BPTF: variants seen among roughly 807,000 people sequenced by gnomAD.
BPTF encodes the protein nucleosome-remodeling factor subunit BPTF.
In BPTF, 18 loss-of-function variants were observed where a neutral mutation model predicts 292.5. The ratio of observed to expected loss-of-function variants is 0.06; its 90% CI spans 0.04 to 0.09. The LOEUF (loss-of-function observed/expected upper bound fraction) is 0.09. Ranked by LOEUF, BPTF falls within the 10% of genes least tolerant of loss-of-function variation. The probability of loss-of-function intolerance (pLI) is 1.00; values close to 1 mark genes in which losing one functional copy is unlikely to be tolerated. For missense variants in BPTF, 2,726 were observed against 3,498.7 expected (o/e 0.78, Z 5.57); for synonymous variants, 1,225 against 1,251.9 (o/e 0.98, Z 0.45).
chr17:67,979,485 A>T (rs2070046539), intron 27 of BPTF, among the ~76,000 whole-genome samples: 1 of 152,112 alleles, frequency 6.6e-6, no homozygotes, highest in African/African-American at 2.4e-5. Context: ...CGGAGGTTGC[A>T]GTGCACCAAG....
intron 1 of BPTF, among the ~76,000 whole-genome samples, chr17:67,830,812 C>A (rs766224076): frequency 4.6e-5 from 7 of 152,188 alleles, no homozygotes; most frequent in Non-Finnish European, 8.8e-5. Flanking sequence ...TACTTTCCCC[C>A]TTTTCTGTAG....
chr17:67,884,734 GT>G (rs1406615755), intron 4 of BPTF, among the ~76,000 whole-genome samples: 1 of 151,852 alleles, frequency 6.6e-6, no homozygotes, highest in Non-Finnish European at 1.5e-5. Context: ...CATTTTCTTT[GT>G]TTCTGGGTCT....
intron 18 of BPTF, among the ~76,000 whole-genome samples, chr17:67,933,600 G>C (rs989340289): frequency 1.3e-5 from 2 of 152,016 alleles, no homozygotes; most frequent in East Asian, 1.9e-4. Context: ...AAAGATTGCA[G>C]TTAAGGTATA....
At chr17:67,951,541 G>A (rs1270084610) in intron 23 of BPTF, 1 of 152,126 alleles carries the variant, frequency 6.6e-6, no homozygotes, top group Non-Finnish European at 1.5e-5. Flanking sequence ...ATTCTACACA[G>A]AGTGGGAAAA....
At chr17:67,868,819 C>T (rs1017018316) in intron 3 of BPTF, among the ~76,000 whole-genome samples, 1 of 152,088 alleles carries the variant, frequency 6.6e-6, no homozygotes, top group Non-Finnish European at 1.5e-5. Context: ...TGAATTCATG[C>T]GTATTTTTGG....
chr17:67,963,052 T>G (rs1490301535), intron 24 of BPTF, among the ~76,000 whole-genome samples: 3 of 152,160 alleles, frequency 2.0e-5, no homozygotes, highest in African/African-American at 7.2e-5. Flanking sequence ...CATCAATGTG[T>G]TGTTTCTTTT....
intron 26 of BPTF, chr17:67,975,544 A>AC: frequency 2.3e-6 from 1 of 441,038 alleles, no homozygotes; most frequent in South Asian, 3.6e-5. Context: ...CTGAAAGTAA[A>AC]AGAACCTTAA....
chr17:67,941,463 A>G (rs1201783792), intron 19 of BPTF, among the ~76,000 whole-genome samples: 2 of 152,318 alleles, frequency 1.3e-5, no homozygotes, highest in Admixed American at 1.3e-4. Flanking sequence ...AAAAAAACCA[A>G]AAAACTTAGT....
intron 7 of BPTF, among the ~76,000 whole-genome samples, chr17:67,898,569 C>T (rs1324004572): frequency 8.6e-5 from 13 of 151,956 alleles, no homozygotes; most frequent in Non-Finnish European, 1.5e-4. Context: ...CTTGACCTCC[C>T]AAAGTGCTGG....
chr17:67,981,168 C>T (rs2070307647), intron 27 of BPTF, among the ~76,000 whole-genome samples: 1 of 152,036 alleles, frequency 6.6e-6, no homozygotes, highest in Non-Finnish European at 1.5e-5. Context: ...CAAAACAAAA[C>T]AAAACAAAAC....
At chr17:67,829,433 C>T (rs1423324174) in intron 1 of BPTF, among the ~76,000 whole-genome samples, 1 of 151,874 alleles carries the variant, frequency 6.6e-6, no homozygotes, top group African/African-American at 2.4e-5. Context: ...TGGCTTGCTG[C>T]ACTTACCGAC....
chr17:67,959,631 G>C lies in BPTF; in HGVS notation c.8017G>C (p.Val2673Leu). 6.3e-7 allele frequency: 1 copy of C among 1,598,766 alleles called. No individual in the cohort carries two copies. The highest frequency in any genetic ancestry group is 8.5e-7 in the Non-Finnish European group (1 of 1,174,552). The change falls in exon 24 of 28, where the codon GTG (valine) becomes CTG (leucine). Residue 2673 changes from valine (V) to leucine (L), a missense_variant. Coordinates refer to ENST00000306378, the MANE Select transcript of BPTF (RefSeq NM_182641.4). Reference sequence around the variant, plus strand: ...AGCAGTAGCTGCACCCTGCCCCCCAGTGACACCAGCTCCTCCAGCCCCTCC... The same window carrying C: ...AGCAGTAGCTGCACCCTGCCCCCCACTGACACCAGCTCCTCCAGCCCCTCC... ...ATAVAAPCPP[V>L]TPAPPAPPAP...
In BPTF at chr17:67,968,597, T is replaced by C. The variant is rs576699049; in HGVS notation, c.8539+1941T>C. On this transcript the variant is annotated intron_variant, in intron 26 of 27. Transcript: ENST00000306378. ...ATCGAGACCATCCTGGCTAACACGG[T>C]GAAACCCCGTGTTAGCCCGTCTCTA... Among the ~76,000 whole-genome samples the C allele has an allele frequency of 8.0e-5, 12 of 150,238 alleles. No homozygotes were observed. The East Asian group carries it at 2.2e-3, about 27-fold the overall frequency.
rs782633181 is a variant in BPTF at position 67,982,290 on chromosome 17, G to T, written c.*2G>T. 1.2e-6 allele frequency: 2 copies of T among 1,609,450 alleles called. No homozygotes were observed. The highest frequency in any genetic ancestry group is 3.3e-5 in the Admixed American group (2 of 59,878). Reference sequence around the variant, plus strand: ...AAACTGCAGTCTACAGCTTCTTAAAGTTCAGCGTGTTAACCTAACATAAAA... The same window carrying T: ...AAACTGCAGTCTACAGCTTCTTAAATTTCAGCGTGTTAACCTAACATAAAA... On this transcript the variant is annotated 3_prime_UTR_variant, in exon 28 of 28. Transcript: ENST00000306378.
intron 15 of BPTF, among the ~76,000 whole-genome samples, chr17:67,925,967 C>G (rs1278992431): frequency 7.7e-6 from 1 of 130,042 alleles, no homozygotes; most frequent in Admixed American, 7.8e-5. Flanking sequence ...GTTTTCTCAT[C>G]TCTGCAATGT....
At chr17:67,925,344 G>A (rs2063781781) in intron 15 of BPTF, among the ~76,000 whole-genome samples, 2 of 152,130 alleles carry the variant, frequency 1.3e-5, no homozygotes, top group African/African-American at 4.8e-5. Flanking sequence ...AGCTACTGAT[G>A]GTTTCTTAGT....
chr17:67,945,794 A>G lies in BPTF; in HGVS notation c.7086A>G (p.Gly2362=), dbSNP rs1555674665. The G allele has an allele frequency of 6.2e-6, 10 of 1,614,184 alleles. No individual in the cohort carries two copies. Among genetic ancestry groups the G allele is most frequent in the South Asian group, 1.1e-5 (1 of 91,090 alleles). ...CAACTCCATCCCAACTGTCTCCTGG[A>G]CAACAATCCCAGGTTCAGACTACAA... is the stretch of plus-strand genomic sequence containing the variant. ...RPSTPSQLSP[G]QQSQVQTTTS... Residue 2362 remains glycine, a synonymous_variant, in exon 21 of 28, where the codon GGA becomes GGG. Transcript: ENST00000306378.
At chr17:67,889,808 C>CA (rs925929708) in intron 4 of BPTF, among the ~76,000 whole-genome samples, 1 of 151,090 alleles carries the variant, frequency 6.6e-6, no homozygotes, top group East Asian at 1.9e-4. Context: ...AACTCCATCT[C>CA]AAAAAAAAGA....
At chr17:67,893,848 G>A in intron 6 of BPTF, 123 bp downstream of exon 6, 1 of 1,147,964 alleles carries the variant, frequency 8.7e-7, no homozygotes. Flanking sequence ...GTGGTCAGCA[G>A]ACAGGACATT....
Sources: allele counts gnomAD v4.1 joint callset (sites outside exome capture counted in the v4.1 genomes callset), GRCh38; gene constraint gnomAD v4.1.1; transcripts MANE v1.5; gene names NCBI Gene and HGNC (gene_info 2026-07-23, HGNC 2026-07-21).